Variants in PPP1R9A observed in about 807,000 individuals in gnomAD.
PPP1R9A encodes the protein neurabin-1.
PPP1R9A carries 59 observed loss-of-function variants against 141.9 expected under a neutral mutation model. That is an observed-to-expected ratio of 0.42 (90% CI 0.34 to 0.52). The LOEUF (loss-of-function observed/expected upper bound fraction) is 0.52, where lower values mean the gene tolerates loss of function less well. PPP1R9A is among the 20% of genes least tolerant of loss of function. PPP1R9A has a pLI of 0.10. For missense variants in PPP1R9A, 1,444 were observed against 1,611.9 expected (o/e 0.90, Z 1.78); for synonymous variants, 500 against 569.7 (o/e 0.88, Z 1.74).
At chr7:95,253,845 T>C (rs185628772) in intron 12 of PPP1R9A, among the ~76,000 whole-genome samples, 3 of 152,140 alleles carry the variant, frequency 2.0e-5, no homozygotes, top group Non-Finnish European at 4.4e-5. Context: ...TTTTAAAAAA[T>C]TATAGTTTAT....
intron 18 of PPP1R9A, 25 bp from the exon 19 acceptor site, chr7:95,288,511 A>C: frequency 6.2e-7 from 1 of 1,609,448 alleles, no homozygotes; most frequent in East Asian, 2.2e-5. Context: ...TCCTTTAACA[A>C]CACTACGTAA....
At chr7:94,912,220 C>G (rs1435822021) in intron 2 of PPP1R9A, among the ~76,000 whole-genome samples, 2 of 152,154 alleles carry the variant, frequency 1.3e-5, no homozygotes, top group African/African-American at 4.8e-5. Flanking sequence ...TGGATAAATG[C>G]CAATGGAATT....
At position 95,291,471 on chromosome 7, in the gene PPP1R9A, G is replaced by A. The variant is rs1057070465; in HGVS notation, c.*1168G>A. 37 of 152,186 alleles carry A rather than the reference G, an allele frequency of 2.4e-4. No individual in the cohort carries two copies. Among genetic ancestry groups the A allele is most frequent in the African/African-American group, 8.7e-4 (36 of 41,456 alleles). The allele number at this position is 152,186 out of a possible 1,614,324, so 9.4% of individuals were successfully genotyped here. A position where few individuals can be genotyped will look rare whatever the true frequency, so the allele number is the denominator to read the frequency against. ...AAAGATTCTCAATTTTACAGAAAAA[G>A]TTTGTTTAAGGCAGTGCATAGGTAT... is the stretch of plus-strand genomic sequence containing the variant. On this transcript the variant is annotated 3_prime_UTR_variant, in exon 20 of 20. Transcript: ENST00000433360.
At chr7:94,963,060 A>G (rs1039996021) in intron 2 of PPP1R9A, among the ~76,000 whole-genome samples, 7 of 152,284 alleles carry the variant, frequency 4.6e-5, no homozygotes, top group African/African-American at 1.7e-4. Flanking sequence ...AAATCTAGTT[A>G]TTCAAGATAC....
chr7:95,047,620 A>G (rs941778439), intron 2 of PPP1R9A, among the ~76,000 whole-genome samples: 7 of 152,184 alleles, frequency 4.6e-5, no homozygotes, highest in African/African-American at 1.7e-4. Context: ...AAACTGAAGA[A>G]GGAGATTTTG....
At chr7:95,042,153 A>G (rs571135846) in intron 2 of PPP1R9A, among the ~76,000 whole-genome samples, 4 of 152,284 alleles carry the variant, frequency 2.6e-5, no homozygotes, top group Admixed American at 6.5e-5. Context: ...CTACTTGTGC[A>G]TGAAATAGAC....
intron 2 of PPP1R9A, among the ~76,000 whole-genome samples, chr7:94,945,846 A>G (rs1795836243): frequency 1.3e-5 from 2 of 152,128 alleles, no homozygotes; most frequent in East Asian, 3.9e-4. Context: ...CTTGGATTTT[A>G]TTTTATGAGT....
chr7:95,151,939 A>ATTTTTTTTT (rs1563319181), intron 4 of PPP1R9A, among the ~76,000 whole-genome samples: 3 of 116,072 alleles, frequency 2.6e-5, no homozygotes, highest in South Asian at 2.9e-4. Flanking sequence ...AGTACTGAGA[A>ATTTTTTTTT]TCTTTTTTTT....
intron 5 of PPP1R9A, among the ~76,000 whole-genome samples, chr7:95,169,520 G>A (rs988442744): frequency 1.1e-4 from 17 of 151,866 alleles, no homozygotes; most frequent in African/African-American, 3.9e-4. Context: ...AAAATAGCTA[G>A]AACAGAGCAC....
At chr7:94,936,944 A>G (rs1794835326) in intron 2 of PPP1R9A, among the ~76,000 whole-genome samples, 1 of 151,986 alleles carries the variant, frequency 6.6e-6, no homozygotes, top group Admixed American at 6.6e-5. Flanking sequence ...CAAAAATAGG[A>G]GGAATTTTTT....
chr7:94,982,253 T>C (rs1311253073), intron 2 of PPP1R9A, among the ~76,000 whole-genome samples: 1 of 152,198 alleles, frequency 6.6e-6, no homozygotes, highest in Non-Finnish European at 1.5e-5. Context: ...GTTCCAAGTC[T>C]TTGCTATTGT....
At chr7:94,914,875 A>T (rs1791879093) in intron 2 of PPP1R9A, among the ~76,000 whole-genome samples, 1 of 152,208 alleles carries the variant, frequency 6.6e-6, no homozygotes, top group Non-Finnish European at 1.5e-5. Context: ...GGACGTGTAC[A>T]GCCCATTAAG....
At chr7:94,995,304 C>G (rs4729167) in intron 2 of PPP1R9A, among the ~76,000 whole-genome samples, 1 of 151,616 alleles carries the variant, frequency 6.6e-6, no homozygotes, top group Non-Finnish European at 1.5e-5. Context: ...GTTTCTCATG[C>G]TTGGGTTTTG....
At chr7:95,076,444 C>G (rs566505521) in intron 2 of PPP1R9A, among the ~76,000 whole-genome samples, 20 of 151,932 alleles carry the variant, frequency 1.3e-4, no homozygotes, top group Admixed American at 4.6e-4. Context: ...TATTTTGTAT[C>G]TCATAAACCA....
intron 12 of PPP1R9A, among the ~76,000 whole-genome samples, chr7:95,254,384 G>A (rs1172493142): frequency 6.6e-6 from 1 of 152,154 alleles, no homozygotes. Flanking sequence ...TGCTTCTGTT[G>A]CTAGGGAATG....
At chr7:95,060,256 G>A (rs1008001927) in intron 2 of PPP1R9A, among the ~76,000 whole-genome samples, 1 of 152,204 alleles carries the variant, frequency 6.6e-6, no homozygotes, top group Admixed American at 6.5e-5. Flanking sequence ...AGGCTGACAA[G>A]TAAGTGTCTT....
intron 2 of PPP1R9A, among the ~76,000 whole-genome samples, chr7:95,060,567 T>C (rs1311626989): frequency 6.6e-6 from 1 of 152,164 alleles, no homozygotes; most frequent in Non-Finnish European, 1.5e-5. Context: ...AATTAGATGA[T>C]GGAATCAGTC....
chr7:95,081,205 CAG>C (rs1815775195), intron 2 of PPP1R9A, among the ~76,000 whole-genome samples: 1 of 152,046 alleles, frequency 6.6e-6, no homozygotes, highest in African/African-American at 2.4e-5. Context: ...CCAGCAGTAA[CAG>C]GGTAAAATTC....
intron 3 of PPP1R9A, among the ~76,000 whole-genome samples, chr7:95,117,843 T>C (rs1821786505): frequency 6.6e-6 from 1 of 152,154 alleles, no homozygotes; most frequent in South Asian, 2.1e-4. Context: ...CTAATACATA[T>C]ATACACCAGA....
Sources: allele counts gnomAD v4.1 joint callset (sites outside exome capture counted in the v4.1 genomes callset), GRCh38; gene constraint gnomAD v4.1.1; transcripts MANE v1.5; gene names NCBI Gene and HGNC (gene_info 2026-07-23, HGNC 2026-07-21).